Variants in TSPAN18 observed in about 807,000 individuals in gnomAD.
The protein encoded by TSPAN18 is tetraspanin 18.
Under a neutral mutation model 27.3 loss-of-function variants are expected in TSPAN18, and 14 were observed. The ratio of observed to expected loss-of-function variants is 0.51; its 90% CI spans 0.34 to 0.80. The LOEUF is 0.80. Ranked by LOEUF, TSPAN18 falls within the 30% of genes least tolerant of loss-of-function variation. TSPAN18 has a pLI of 0.01. For synonymous variants in TSPAN18, 143 were observed against 136.5 expected, an observed-to-expected ratio of 1.05 and a Z score of -0.33; for missense variants, 268 against 323.9, an observed-to-expected ratio of 0.83 and a Z score of 1.32.
intron 2 of TSPAN18, among the ~76,000 whole-genome samples, chr11:44,854,984 C>T (rs552472011): frequency 3.9e-5 from 6 of 152,330 alleles, no homozygotes; most frequent in African/African-American, 1.4e-4. Flanking sequence ...CCCAACGACT[C>T]ACTCATGAGC....
At chr11:44,778,005 T>C (rs1331875072) in intron 2 of TSPAN18, among the ~76,000 whole-genome samples, 1 of 151,616 alleles carries the variant, frequency 6.6e-6, no homozygotes, top group Non-Finnish European at 1.5e-5. Context: ...CCCTAGGGGG[T>C]AGAGCACAGG....
intron 1 of TSPAN18, among the ~76,000 whole-genome samples, chr11:44,732,025 T>G (rs1481355331): frequency 6.6e-6 from 1 of 152,270 alleles, no homozygotes; most frequent in Admixed American, 6.5e-5. Context: ...AATCTGGTTC[T>G]TCTGTTGTGT....
chr11:44,926,873 C>CCCA (rs1860379448), intron 9 of TSPAN18, 116 bp downstream of exon 9: 1 of 1,153,096 alleles, frequency 8.7e-7, no homozygotes, highest in Non-Finnish European at 1.3e-6. Context: ...CCAAGGGGCC[C>CCCA]CCACTGTGGG....
chr11:44,918,904 G>A (rs542657425), intron 6 of TSPAN18, among the ~76,000 whole-genome samples: 125 of 151,884 alleles, frequency 8.2e-4, no homozygotes, highest in African/African-American at 2.6e-3. Context: ...GAAGGGGTGG[G>A]GTGAGGTGCA....
intron 1 of TSPAN18, among the ~76,000 whole-genome samples, chr11:44,756,814 G>A (rs200041262): frequency 6.6e-6 from 1 of 152,150 alleles, no homozygotes; most frequent in East Asian, 1.9e-4. Context: ...CCATTCATCT[G>A]TTGATGGACA....
chr11:44,855,316 T>C (rs911086577), intron 2 of TSPAN18, among the ~76,000 whole-genome samples: 7 of 152,256 alleles, frequency 4.6e-5, no homozygotes, highest in African/African-American at 1.7e-4. Flanking sequence ...CATAACTTGC[T>C]TCTCCTGTGA....
intron 5 of TSPAN18, among the ~76,000 whole-genome samples, chr11:44,914,409 G>A (rs1472877204): frequency 6.6e-6 from 1 of 152,170 alleles, no homozygotes; most frequent in African/African-American, 2.4e-5. Context: ...TATACAAAAT[G>A]AGGATAATCA....
chr11:44,900,680 C>CCTT (rs1721208768), intron 3 of TSPAN18, among the ~76,000 whole-genome samples: 2 of 49,702 alleles, frequency 4.0e-5, no homozygotes, highest in African/African-American at 1.8e-4. Flanking sequence ...TTGAGGAAGG[C>CCTT]TTTTTTTTTT....
At chr11:44,882,874 C>G (rs1858535679) in intron 3 of TSPAN18, among the ~76,000 whole-genome samples, 1 of 152,208 alleles carries the variant, frequency 6.6e-6, no homozygotes. Context: ...TCCTCAAGAA[C>G]TGCAGAAAAG....
intron 2 of TSPAN18, among the ~76,000 whole-genome samples, chr11:44,812,577 C>G (rs1481283623): frequency 6.6e-6 from 1 of 152,116 alleles, no homozygotes; most frequent in African/African-American, 2.4e-5. Flanking sequence ...TGATGGGGGC[C>G]CATCTTCACA....
intron 2 of TSPAN18, among the ~76,000 whole-genome samples, chr11:44,788,668 C>CT (rs1856119757): frequency 1.3e-5 from 2 of 152,016 alleles, no homozygotes; most frequent in African/African-American, 4.8e-5. Flanking sequence ...AGGATGGTCT[C>CT]TGTCTCCTGA....
Position 44,796,549 on chromosome 11 carries a change from C to T in TSPAN18, c.-153+32037C>T, listed in dbSNP as rs118065208. 1.1e-4 allele frequency among the ~76,000 whole-genome samples: 16 copies of T among 152,242 alleles called. No homozygotes were observed. In the East Asian group the frequency reaches 2.9e-3, roughly 28 times the overall value. On this transcript the variant is annotated intron_variant, in intron 2 of 9. Transcript: ENST00000520358. ...TCTCCTTGGAGAGGCAACACCTCTC[C>T]GGGTTTTGCCTGCACATAGCGCCCA...
At chr11:44,770,097 C>T (rs1056692661) in intron 2 of TSPAN18, among the ~76,000 whole-genome samples, 3 of 152,198 alleles carry the variant, frequency 2.0e-5, no homozygotes, top group Non-Finnish European at 4.4e-5. Flanking sequence ...GGGCCCCTAC[C>T]ATGTACCTGG....
At chr11:44,799,182 C>T (rs1219543171) in intron 2 of TSPAN18, among the ~76,000 whole-genome samples, 2 of 152,094 alleles carry the variant, frequency 1.3e-5, no homozygotes, top group African/African-American at 2.4e-5. Flanking sequence ...CTGCCCCCTC[C>T]CCAGGGGGCC....
intron 2 of TSPAN18, among the ~76,000 whole-genome samples, chr11:44,822,956 G>T (rs996577239): frequency 1.3e-5 from 2 of 152,188 alleles, no homozygotes; most frequent in Admixed American, 6.5e-5. Context: ...AGGTTTCTTA[G>T]ACTTTCTGAG....
At chr11:44,882,587 G>GACACACACACACACAC (rs748475836) in intron 3 of TSPAN18, among the ~76,000 whole-genome samples, 24 of 130,858 alleles carry the variant, frequency 1.8e-4, no homozygotes, top group African/African-American at 6.0e-4. Context: ...CAGAGAGAGA[G>GACACACACACACACAC]ACACACACAC....
At chr11:44,810,574 A>G (rs1435381372) in intron 2 of TSPAN18, among the ~76,000 whole-genome samples, 1 of 150,056 alleles carries the variant, frequency 6.7e-6, no homozygotes, top group East Asian at 1.9e-4. Flanking sequence ...CAGCACTGCT[A>G]TGTTTGAGCA....
At chr11:44,795,590 G>A (rs1856330670) in intron 2 of TSPAN18, among the ~76,000 whole-genome samples, 1 of 152,066 alleles carries the variant, frequency 6.6e-6, no homozygotes, top group Non-Finnish European at 1.5e-5. Context: ...GATCAGGCAT[G>A]CACTGGACTT....
intron 2 of TSPAN18, among the ~76,000 whole-genome samples, chr11:44,775,509 T>A (rs1590448722): frequency 6.6e-6 from 1 of 152,280 alleles, no homozygotes; most frequent in East Asian, 1.9e-4. Flanking sequence ...ACCGAATCCC[T>A]ATAGGTCCTC....
Sources: allele counts gnomAD v4.1 joint callset (sites outside exome capture counted in the v4.1 genomes callset), GRCh38; gene constraint gnomAD v4.1.1; transcripts MANE v1.5; gene names NCBI Gene and HGNC (gene_info 2026-07-23, HGNC 2026-07-21).